CREB5: variants seen among roughly 807,000 people sequenced by gnomAD.
The protein encoded by CREB5 is cyclic AMP-responsive element-binding protein 5.
Under a neutral mutation model 57.1 loss-of-function variants are expected in CREB5, and 19 were observed. The ratio of observed to expected loss-of-function variants is 0.33; its 90% CI spans 0.23 to 0.49. CREB5 has a LOEUF of 0.49. Ranked by LOEUF, CREB5 falls within the 20% of genes least tolerant of loss-of-function variation. CREB5 has a pLI of 0.99. For missense variants in CREB5, 579 were observed against 671.6 expected, an observed-to-expected ratio of 0.86 and a Z score of 1.52; for synonymous variants, 238 against 238.3, an observed-to-expected ratio of 1.00 and a Z score of 0.01.
intron 1 of CREB5, among the ~76,000 whole-genome samples, chr7:28,430,612 T>C (rs1050723452): frequency 6.6e-6 from 1 of 151,246 alleles, no homozygotes; most frequent in African/African-American, 2.4e-5. Flanking sequence ...TCTTTATCCC[T>C]ATGCAATCTA....
chr7:28,482,152 T>C (rs1359863064), intron 1 of CREB5, among the ~76,000 whole-genome samples: 1 of 152,206 alleles, frequency 6.6e-6, no homozygotes, highest in African/African-American at 2.4e-5. Context: ...GCAAATAAGA[T>C]AATGAAAGAT....
At chr7:28,376,471 T>C (rs1786830493) in intron 1 of CREB5, among the ~76,000 whole-genome samples, 1 of 152,198 alleles carries the variant, frequency 6.6e-6, no homozygotes, top group Non-Finnish European at 1.5e-5. Flanking sequence ...AGTTTCGCCA[T>C]GTTGGCCAGG....
At chr7:28,664,751 A>G (rs138473358) in intron 5 of CREB5, among the ~76,000 whole-genome samples, 1 of 146,676 alleles carries the variant, frequency 6.8e-6, no homozygotes, top group African/African-American at 2.4e-5. Flanking sequence ...TCTAGTCTGC[A>G]TTAATGCATT....
rs117847098 is a variant in CREB5 at position 28,672,033 on chromosome 7, A to G, written c.465-46720A>G. On this transcript the variant is annotated intron_variant, in intron 5 of 10. Coordinates refer to ENST00000357727, the MANE Select transcript of CREB5 (RefSeq NM_182898.4). ...TACACCTTAAAAAGATTAAAATGGTAAATTTTGTTGTTACGTATATTTTAC... is the reference window on the plus strand; with the variant it reads ...TACACCTTAAAAAGATTAAAATGGTGAATTTTGTTGTTACGTATATTTTAC... Among the ~76,000 whole-genome samples, 561 of 152,292 alleles carry G rather than the reference A, an allele frequency of 3.7e-3. 1 individual carries two copies. The highest frequency in any genetic ancestry group is 4.2e-3 in the Non-Finnish European group (289 of 68,016).
chr7:28,795,204 T>A (rs1807957080), intron 7 of CREB5, among the ~76,000 whole-genome samples: 1 of 152,212 alleles, frequency 6.6e-6, no homozygotes, highest in South Asian at 2.1e-4. Context: ...GTTACATATA[T>A]GTTAGCCCCA....
At chr7:28,442,351 A>C (rs549724449) in intron 1 of CREB5, among the ~76,000 whole-genome samples, 1 of 152,178 alleles carries the variant, frequency 6.6e-6, no homozygotes. Context: ...GTTGATGGAC[A>C]TATAGGTTGA....
chr7:28,672,030 G>C (rs1800062666), intron 5 of CREB5, among the ~76,000 whole-genome samples: 1 of 151,914 alleles, frequency 6.6e-6, no homozygotes, highest in Admixed American at 6.6e-5. Flanking sequence ...AGATTAAAAT[G>C]GTAAATTTTG....
chr7:28,496,090 T>C (rs1583538026), intron 3 of CREB5, among the ~76,000 whole-genome samples: 1 of 152,138 alleles, frequency 6.6e-6, no homozygotes, highest in Admixed American at 6.5e-5. Flanking sequence ...TCCCAAAAAA[T>C]GGGAATGATT....
chr7:28,309,285 C>T (rs1005675725), intron 1 of CREB5, among the ~76,000 whole-genome samples: 2 of 152,196 alleles, frequency 1.3e-5, no homozygotes, highest in Non-Finnish European at 2.9e-5. Context: ...TAATACACCC[C>T]TGTATCCCTG....
intron 1 of CREB5, among the ~76,000 whole-genome samples, chr7:28,456,400 G>T (rs1368914697): frequency 6.6e-6 from 1 of 152,166 alleles, no homozygotes; most frequent in Non-Finnish European, 1.5e-5. Context: ...TTGTCCCCTA[G>T]TTTATTTCCT....
intron 5 of CREB5, among the ~76,000 whole-genome samples, chr7:28,688,428 G>A (rs372559975): frequency 1.0e-3 from 156 of 152,292 alleles, no homozygotes; most frequent in African/African-American, 3.5e-3. Context: ...TATTTTCAAT[G>A]AATTTATTCC....
At chr7:28,675,912 A>G (rs1206186653) in intron 5 of CREB5, among the ~76,000 whole-genome samples, 1 of 152,194 alleles carries the variant, frequency 6.6e-6, no homozygotes, top group African/African-American at 2.4e-5. Flanking sequence ...AGTTACAGGC[A>G]TTTATAGCTT....
At chr7:28,463,295 A>G (rs748443375) in intron 1 of CREB5, among the ~76,000 whole-genome samples, 13 of 152,156 alleles carry the variant, frequency 8.5e-5, no homozygotes, top group African/African-American at 3.1e-4. Context: ...CTGTATGTCT[A>G]TCCTTATGCC....
chr7:28,459,992 G>A (rs1322015728), intron 1 of CREB5, among the ~76,000 whole-genome samples: 1 of 152,184 alleles, frequency 6.6e-6, no homozygotes, highest in Non-Finnish European at 1.5e-5. Context: ...TACAGCTGCA[G>A]GTCCTGTCCT....
intron 1 of CREB5, among the ~76,000 whole-genome samples, chr7:28,323,583 A>G (rs1785528138): frequency 6.6e-6 from 1 of 151,936 alleles, no homozygotes; most frequent in Non-Finnish European, 1.5e-5. Flanking sequence ...AACTCTTATC[A>G]GTATCTCCCC....
At chr7:28,377,931 C>CAAAAGAAA (rs1786871822) in intron 1 of CREB5, among the ~76,000 whole-genome samples, 1 of 112,396 alleles carries the variant, frequency 8.9e-6, no homozygotes, top group Admixed American at 9.5e-5. Context: ...GACTCTATCT[C>CAAAAGAAA]AAAAAAAAAA....
intron 5 of CREB5, among the ~76,000 whole-genome samples, chr7:28,663,340 G>T (rs920210280): frequency 6.6e-6 from 1 of 151,912 alleles, no homozygotes; most frequent in Non-Finnish European, 1.5e-5. Context: ...AAGTAGCTGG[G>T]ACTACAGGTG....
intron 5 of CREB5, among the ~76,000 whole-genome samples, chr7:28,688,424 C>A (rs545499393): frequency 6.6e-6 from 1 of 152,268 alleles, no homozygotes. Context: ...ACAGTATTTT[C>A]AATGAATTTA....
chr7:28,706,455 C>A (rs145560974), intron 5 of CREB5, among the ~76,000 whole-genome samples: 2 of 152,202 alleles, frequency 1.3e-5, no homozygotes, highest in East Asian at 1.9e-4. Context: ...AGATTGGACA[C>A]AGTGTCAATC....
Sources: gnomAD v4.1 joint callset for allele counts (sites outside exome capture counted in the v4.1 genomes callset) on GRCh38, gnomAD v4.1.1 for gene constraint, MANE v1.5 for transcripts, NCBI Gene and HGNC (gene_info 2026-07-23, HGNC 2026-07-21) for gene names.